The following PDE1C variants were observed in gnomAD, a reference collection of about 807,000 sequenced individuals.
PDE1C encodes the protein phosphodiesterase 1C.
In PDE1C, 62 loss-of-function variants were observed where a neutral mutation model predicts 93.1. The ratio of observed to expected loss-of-function variants is 0.67; its 90% CI spans 0.54 to 0.82. The LOEUF (loss-of-function observed/expected upper bound fraction) is 0.82. Ranked by LOEUF, PDE1C falls within the 40% of genes least tolerant of loss-of-function variation. The pLI is 0.00. For missense variants in PDE1C, 742 were observed against 884.6 expected, an observed-to-expected ratio of 0.84 and a Z score of 2.04; for synonymous variants, 325 against 310.1, an observed-to-expected ratio of 1.05 and a Z score of -0.50.
chr7:31,801,154 AAATAG>A (rs1258574042), intron 16 of PDE1C, among the ~76,000 whole-genome samples: 1 of 151,244 alleles, frequency 6.6e-6, no homozygotes, highest in Non-Finnish European at 1.5e-5. Flanking sequence ...GATATTAATA[AAATAG>A]AAAACAGAAA....
chr7:32,318,455 C>T (rs1039205280), intron 1 of PDE1C, among the ~76,000 whole-genome samples: 3 of 152,196 alleles, frequency 2.0e-5, no homozygotes, highest in Non-Finnish European at 4.4e-5. Flanking sequence ...CTCCCTCCGC[C>T]GCGGTCTACA....
At chr7:32,113,853 C>T in intron 3 of PDE1C, among the ~76,000 whole-genome samples, 1 of 151,960 alleles carries the variant, frequency 6.6e-6, no homozygotes, top group Middle Eastern at 3.2e-3. Context: ...AGCAGAGAGC[C>T]AAATCATGAA....
intron 3 of PDE1C, among the ~76,000 whole-genome samples, chr7:32,152,567 G>T (rs1336262656): frequency 6.6e-6 from 1 of 152,144 alleles, no homozygotes; most frequent in Non-Finnish European, 1.5e-5. Context: ...GGCTACTCAG[G>T]GCCCCTCTTT....
At chr7:32,149,737 T>G (rs1454628128) in intron 3 of PDE1C, among the ~76,000 whole-genome samples, 2 of 152,194 alleles carry the variant, frequency 1.3e-5, no homozygotes, top group Non-Finnish European at 2.9e-5. Flanking sequence ...TCCATCAAAT[T>G]TTAACATTTG....
chr7:32,414,669 G>C (rs1225870571), intron 1 of PDE1C, among the ~76,000 whole-genome samples: 1 of 152,154 alleles, frequency 6.6e-6, no homozygotes, highest in Non-Finnish European at 1.5e-5. Context: ...AAAGTGGAGA[G>C]AGGAATCTGA....
At chr7:32,201,020 G>C (rs922136638) in intron 2 of PDE1C, among the ~76,000 whole-genome samples, 1 of 152,196 alleles carries the variant, frequency 6.6e-6, no homozygotes, top group Non-Finnish European at 1.5e-5. Context: ...TGTGTTACTA[G>C]ATTCCATGGA....
At chr7:31,840,580 C>A (rs1260136487) in intron 9 of PDE1C, among the ~76,000 whole-genome samples, 3 of 152,036 alleles carry the variant, frequency 2.0e-5, no homozygotes, top group African/African-American at 7.2e-5. Context: ...GCCATTTTAG[C>A]TTTTACGTTT....
At chr7:32,402,228 G>A (rs692322) in intron 1 of PDE1C, among the ~76,000 whole-genome samples, 139,843 of 152,064 alleles carry the variant, frequency 0.92, 65,172 homozygotes, top group Non-Finnish European at 0.99. Context: ...AACAGAACCA[G>A]TAGGATACAC....
the PDE1C span, among the ~76,000 whole-genome samples, chr7:31,624,830 C>T: frequency 1.3e-5 from 2 of 152,080 alleles, no homozygotes; most frequent in Non-Finnish European, 2.9e-5. Context: ...TCAGAGTGAA[C>T]AGGCAACCCA....
Position 31,789,649 on chromosome 7 carries a change from G to GA in PDE1C, c.1892-13918dup, listed in dbSNP as rs950313130. ...ACAGAATTCTGTATTACAGAAGTGGGAAAAAAAGCATAAGAACAATTTTAA... is the reference window on the plus strand; with the variant it reads ...ACAGAATTCTGTATTACAGAAGTGGGAAAAAAAAGCATAAGAACAATTTTAA... On this transcript the variant is annotated intron_variant, in intron 16 of 17. Coordinates refer to ENST00000396191, the MANE Select transcript of PDE1C (RefSeq NM_001191057.4). 100 of 974,970 alleles carry GA rather than the reference G, an allele frequency of 1.0e-4. 1 individual carries two copies. The African/African-American group carries it at 1.5e-3, about 15-fold the overall frequency. The allele number at this position is 974,970 out of a possible 1,614,324, so 60.4% of individuals were successfully genotyped here.
At chr7:31,629,782 A>G in the PDE1C span, among the ~76,000 whole-genome samples, 1 of 152,184 alleles carries the variant, frequency 6.6e-6, no homozygotes, top group Non-Finnish European at 1.5e-5. Context: ...AAGTTGTCAT[A>G]TGAAGCAACA....
intron 1 of PDE1C, among the ~76,000 whole-genome samples, chr7:32,317,978 A>G (rs1313166732): frequency 1.3e-5 from 2 of 152,158 alleles, no homozygotes; most frequent in Admixed American, 6.5e-5. Flanking sequence ...ATGCCTTACC[A>G]TAAAGAGACA....
upstream of PDE1C, among the ~76,000 whole-genome samples, chr7:32,301,557 T>C (rs1812881836): frequency 6.6e-6 from 1 of 152,234 alleles, no homozygotes; most frequent in African/African-American, 2.4e-5. Flanking sequence ...TTTTAGACAC[T>C]GTACACCTAC....
chr7:32,304,919 C>T (rs1019332006), intron 1 of PDE1C, among the ~76,000 whole-genome samples: 1 of 152,134 alleles, frequency 6.6e-6, no homozygotes, highest in East Asian at 1.9e-4. Flanking sequence ...TACTAGGTCC[C>T]TTTTGCGCTT....
At chr7:32,192,844 A>T (rs941185784) in intron 2 of PDE1C, among the ~76,000 whole-genome samples, 1 of 152,110 alleles carries the variant, frequency 6.6e-6, no homozygotes, top group Non-Finnish European at 1.5e-5. Flanking sequence ...TTTAGATGTT[A>T]TTTGATTTCT....
At chr7:32,114,442 C>A (rs1195960885) in intron 3 of PDE1C, among the ~76,000 whole-genome samples, 1 of 152,104 alleles carries the variant, frequency 6.6e-6, no homozygotes, top group Non-Finnish European at 1.5e-5. Context: ...AAACTGGACC[C>A]CTTCCTTACA....
At chr7:31,642,299 C>A in the PDE1C span, 1 of 1,323,972 alleles carries the variant, frequency 7.6e-7, no homozygotes, top group African/African-American at 1.5e-5. Context: ...TCATCCCTAA[C>A]ATCCCACTTC....
intron 1 of PDE1C, among the ~76,000 whole-genome samples, chr7:32,057,372 G>C (rs1794259676): frequency 6.6e-6 from 1 of 152,192 alleles, no homozygotes; most frequent in Non-Finnish European, 1.5e-5. Context: ...GATTACCCAA[G>C]AAGTATTAAA....
chr7:31,837,869 C>T lies in PDE1C; in HGVS notation c.1082+1G>A, dbSNP rs747659692. 5.0e-6 allele frequency: 8 copies of T among 1,603,218 alleles called. No homozygotes were observed. Among genetic ancestry groups the T allele is most frequent in the African/African-American group, 4.0e-5 (3 of 74,716 alleles). On this transcript the variant is annotated splice_donor_variant, in intron 10 of 17. Coordinates refer to ENST00000396191, the MANE Select transcript of PDE1C (RefSeq NM_001191057.4). LOFTEE classifies it high-confidence loss of function. ...AAAACACAAGCCACAAGCACACTTA[C>T]GCTTCTGGCTGCTGCAGAGCAGTCT...
Sources: gnomAD v4.1 joint callset for allele counts (sites outside exome capture counted in the v4.1 genomes callset) on GRCh38, gnomAD v4.1.1 for gene constraint, MANE v1.5 for transcripts, NCBI Gene and HGNC (gene_info 2026-07-23, HGNC 2026-07-21) for gene names.